Variants in TRMT6 observed in about 807,000 individuals in gnomAD.
TRMT6 encodes the protein tRNA methyltransferase 6 non-catalytic subunit.
TRMT6 carries 34 observed loss-of-function variants against 59.0 expected under a neutral mutation model. That is an observed-to-expected ratio of 0.58 (90% confidence interval 0.44 to 0.77). The LOEUF is 0.77. Ranked by LOEUF, TRMT6 falls within the 30% of genes least tolerant of loss-of-function variation. The pLI is 0.00. For missense variants in TRMT6, 575 were observed against 604.5 expected (o/e 0.95, Z 0.51); for synonymous variants, 217 against 210.5 (o/e 1.03, Z -0.27).
intron 2 of TRMT6, among the ~76,000 whole-genome samples, chr20:5,946,090 C>T (rs1416823896): frequency 6.6e-6 from 1 of 152,216 alleles, no homozygotes; most frequent in Non-Finnish European, 1.5e-5. Context: ...TGCTAACCAC[C>T]TCACAGCTGT....
At chr20:5,949,965 G>T (rs903631942) in intron 1 of TRMT6, among the ~76,000 whole-genome samples, 4 of 152,168 alleles carry the variant, frequency 2.6e-5, no homozygotes, top group Non-Finnish European at 5.9e-5. Context: ...CTAGGGCCAA[G>T]AATGGAATTC....
In TRMT6 at chr20:5,941,357, A is replaced by T. The variant is rs372516685; in HGVS notation, c.1113-12T>A. 3.8e-6 allele frequency: 6 copies of T among 1,597,738 alleles called. No individual in the cohort carries two copies. In the African/African-American group the frequency reaches 8.1e-5, roughly 21 times the overall value. On this transcript the variant is annotated splice_polypyrimidine_tract_variant and intron_variant, in intron 8 of 10. Coordinates refer to ENST00000203001, the MANE Select transcript of TRMT6 (RefSeq NM_015939.5). Reference sequence around the variant, plus strand: ...TAGCTACAATTAAACTGTAAGGAAAATGCCAGACAAATTATTTCTCTACAC... The same window carrying T: ...TAGCTACAATTAAACTGTAAGGAAATTGCCAGACAAATTATTTCTCTACAC...
At position 5,942,052 on chromosome 20, in the gene TRMT6, T is replaced by C; in HGVS notation, c.1027-16A>G. 1.2e-6 allele frequency: 2 copies of C among 1,605,778 alleles called. No homozygotes were observed. The highest frequency in any genetic ancestry group is 1.7e-6 in the Non-Finnish European group (2 of 1,175,868). On this transcript the variant is annotated splice_polypyrimidine_tract_variant and intron_variant, in intron 7 of 10. Coordinates refer to ENST00000203001, the MANE Select transcript of TRMT6 (RefSeq NM_015939.5). ...TTTCCTGAATCTTCAAAAAGAAAAA[T>C]AAGAAATCAATGTACTGGGGTCTTT...
chr20:5,945,140 CTT>C (rs2088695308), intron 2 of TRMT6, among the ~76,000 whole-genome samples: 1 of 152,318 alleles, frequency 6.6e-6, no homozygotes, highest in East Asian at 1.9e-4. Context: ...CCAGAGTGCT[CTT>C]TGTTTAAATG....
chr20:5,941,478 T>C, intron 8 of TRMT6, 133 bp from the exon 9 acceptor site: 1 of 692,854 alleles, frequency 1.4e-6, no homozygotes, highest in Non-Finnish European at 2.4e-6. Flanking sequence ...TATAACATTC[T>C]AGAAATCCAA....
At chr20:5,944,734 G>T in intron 3 of TRMT6, 71 bp downstream of exon 3, 1 of 1,177,246 alleles carries the variant, frequency 8.5e-7, no homozygotes, top group Non-Finnish European at 1.2e-6. Flanking sequence ...GGTACAGTCT[G>T]CTTTAAAAAC....
At position 5,941,977 on chromosome 20, in the gene TRMT6, A is replaced by G. The variant is rs767004330; in HGVS notation, c.1086T>C (p.Ala362=). 6.2e-7 allele frequency: 1 copy of G among 1,613,414 alleles called. No homozygotes were observed. Among genetic ancestry groups the G allele is most frequent in the Non-Finnish European group, 8.5e-7 (1 of 1,180,032 alleles). Residue 362 remains alanine, a synonymous_variant, in exon 8 of 11, where the codon GCT becomes GCC. Coordinates refer to ENST00000203001, the MANE Select transcript of TRMT6 (RefSeq NM_015939.5). ...CATCTGCGTTTCTTTCACTCAGCAG[A>G]GCGGCAGCCTCTAAATGTCTTTTCC... ...EQRKRHLEAA[A]LLSERNADGL...
rs2088785059 is a variant in TRMT6, at chr20:5,950,532, G to T, written c.-127C>A. ...CCGACCGGCACCGCCCCCACGTGTT[G>T]CACGCCGCTTCCGCTTTCCGGCCCA... On this transcript the variant is annotated 5_prime_UTR_variant, in exon 1 of 11. Coordinates refer to ENST00000203001, the MANE Select transcript of TRMT6 (RefSeq NM_015939.5). 2 of 1,110,738 alleles carry T rather than the reference G, an allele frequency of 1.8e-6. No individual in the cohort carries two copies. Among genetic ancestry groups the T allele is most frequent in the East Asian group, 3.0e-5 (1 of 33,276 alleles). The allele number at this position is 1,110,738 out of a possible 1,614,324, so 68.8% of individuals were successfully genotyped here.
At chr20:5,950,224 G>C (rs1045145766) in intron 1 of TRMT6, 54 bp downstream of exon 1, 4 of 1,497,590 alleles carry the variant, frequency 2.7e-6, no homozygotes, top group African/African-American at 2.8e-5. Context: ...CTGGAGGGAG[G>C]GGGTATCTAC....
Position 5,938,290 on chromosome 20 carries a change from A to C in TRMT6, c.*245T>G, listed in dbSNP as rs2088624590. 1 of 389,704 alleles carries C rather than the reference A, an allele frequency of 2.6e-6. No homozygotes were observed. Among genetic ancestry groups the C allele is most frequent in the African/African-American group, 2.0e-5 (1 of 49,816 alleles). The allele number at this position is 389,704 out of a possible 1,614,324, so 24.1% of individuals were successfully genotyped here. On this transcript the variant is annotated 3_prime_UTR_variant, in exon 11 of 11. Transcript: ENST00000203001. ...AAGATATTTGCACAGAATATTTAGA[A>C]GTACTTAGAGGAGTTTTGTTAAATG...
Position 5,944,212 on chromosome 20 carries a change from T to G in TRMT6, c.408A>C (p.Arg136=), listed in dbSNP as rs2122605540. 6.4e-7 allele frequency: 1 copy of G among 1,574,336 alleles called. No individual in the cohort carries two copies. Among genetic ancestry groups the G allele is most frequent in the East Asian group, 2.3e-5 (1 of 44,034 alleles). Residue 136 remains arginine (R), a synonymous_variant, in exon 4 of 11, where the codon CGA becomes CGC. Transcript: ENST00000203001. The stretch of plus-strand genomic sequence containing the variant: ...TATCTTGGGCAAATTCTGTCTTGTC[T>G]CGGAATGTTGTACTATTTTCAATTA... ...QQLIENSTTF[R]DKTEFAQDKY... is the part of the protein sequence containing the mutation.
intron 2 of TRMT6, among the ~76,000 whole-genome samples, chr20:5,945,263 T>A (rs2088696201): frequency 6.6e-6 from 1 of 152,256 alleles, no homozygotes; most frequent in Non-Finnish European, 1.5e-5. Flanking sequence ...CCCCTGCCTA[T>A]CATTCCTGGC....
At chr20:5,940,769 C>T (rs1600222282) in intron 10 of TRMT6, among the ~76,000 whole-genome samples, 1 of 152,230 alleles carries the variant, frequency 6.6e-6, no homozygotes, top group South Asian at 2.1e-4. Context: ...AGGCACCTGC[C>T]ACCATGCTCG....
rs774848883 is a variant in TRMT6 at position 5,944,929 on chromosome 20, T to C, written c.257-15A>G. ...TTCTTTAGTCTCTAAGGAAAGAAAT[T>C]GCTCTATTGACATTTATGGTCTGAA... On this transcript the variant is annotated splice_polypyrimidine_tract_variant and intron_variant, in intron 2 of 10. Transcript: ENST00000203001. 78 of 1,574,022 alleles carry C rather than the reference T, an allele frequency of 5.0e-5. No homozygotes were observed. Among genetic ancestry groups the C allele is most frequent in the Non-Finnish European group, 6.5e-5 (75 of 1,145,148 alleles).
In TRMT6 at chr20:5,946,314, G is replaced by T. The variant is rs2088705865; in HGVS notation, c.256+92C>A. On this transcript the variant is annotated intron_variant, in intron 2 of 10. Coordinates refer to ENST00000203001, the MANE Select transcript of TRMT6 (RefSeq NM_015939.5). ...ATGAGTTAAGATTTCTTTTGGGATA[G>T]CATGGCCTAGCACTTGGGAATTAGG... 9 of 1,488,300 alleles carry T rather than the reference G, an allele frequency of 6.0e-6. 1 individual carries two copies. In the South Asian group the frequency reaches 1.1e-4, roughly 18 times the overall value. 92.2% of individuals were successfully genotyped at this position (1,488,300 alleles called of 1,614,324 possible). A position where few individuals can be genotyped will look rare whatever the true frequency, so the allele number is the denominator to read the frequency against.
At chr20:5,950,225 G>A (rs1468176816) in intron 1 of TRMT6, 53 bp downstream of exon 1, 1 of 1,499,806 alleles carries the variant, frequency 6.7e-7, no homozygotes, top group East Asian at 2.6e-5. Flanking sequence ...TGGAGGGAGG[G>A]GGTATCTACA....
intron 1 of TRMT6, among the ~76,000 whole-genome samples, chr20:5,949,465 C>T (rs1443937164): frequency 6.6e-6 from 1 of 152,190 alleles, no homozygotes; most frequent in Non-Finnish European, 1.5e-5. Flanking sequence ...CTCACCAGCC[C>T]TTCCAGAAAG....
At chr20:5,944,103 A>G (rs1471983497) in intron 4 of TRMT6, 59 bp downstream of exon 4, 2 of 1,367,826 alleles carry the variant, frequency 1.5e-6, no homozygotes, top group Non-Finnish European at 2.0e-6. Context: ...TAAAATGTAT[A>G]TTTTATAAAC....
chr20:5,945,190 G>C (rs976647592), intron 2 of TRMT6, among the ~76,000 whole-genome samples: 12 of 152,212 alleles, frequency 7.9e-5, no homozygotes, highest in African/African-American at 2.9e-4. Context: ...AAACCATACA[G>C]TGGCTTCCCA....
Sources: gnomAD v4.1 joint callset for allele counts (sites outside exome capture counted in the v4.1 genomes callset) on GRCh38, gnomAD v4.1.1 for gene constraint, MANE v1.5 for transcripts, NCBI Gene and HGNC (gene_info 2026-07-23, HGNC 2026-07-21) for gene names.